Variants in HK1 observed in about 807,000 individuals in gnomAD.
The protein encoded by HK1 is hexokinase-1.
In HK1, 28 loss-of-function variants were observed where a neutral mutation model predicts 91.6. That is an observed-to-expected ratio of 0.31 (90% CI 0.23 to 0.42). The LOEUF is 0.42. Ranked by LOEUF, HK1 falls within the 10% of genes least tolerant of loss-of-function variation. The probability of loss-of-function intolerance (pLI) is 1.00; values close to 1 mark genes in which losing one functional copy is unlikely to be tolerated. For missense variants in HK1, 770 were observed against 1,219.8 expected, an observed-to-expected ratio of 0.63 and a Z score of 5.49; for synonymous variants, 430 against 468.1, an observed-to-expected ratio of 0.92 and a Z score of 1.05.
chr10:69,274,575 G>A (rs1056430433), intron 1 of HK1, among the ~76,000 whole-genome samples: 6 of 147,192 alleles, frequency 4.1e-5, no homozygotes, highest in African/African-American at 7.8e-5. Flanking sequence ...GGGTGACAGA[G>A]CAAAACTCTG....
intron 1 of HK1, among the ~76,000 whole-genome samples, chr10:69,342,743 C>T (rs1189107505): frequency 6.6e-6 from 1 of 152,158 alleles, no homozygotes; most frequent in Non-Finnish European, 1.5e-5. Context: ...AATCCAGGCA[C>T]ACAGAGCAGC....
At chr10:69,318,375 C>A, upstream of HK1, 1 of 297,960 alleles carries the variant, frequency 3.4e-6, no homozygotes, top group Non-Finnish European at 5.0e-6. Flanking sequence ...GTCCACCGGA[C>A]TCCTAGGGGC....
At chr10:69,359,772 T>A in intron 2 of HK1, 125 bp from the exon 3 acceptor site, 1 of 908,740 alleles carries the variant, frequency 1.1e-6, no homozygotes, top group Non-Finnish European at 1.8e-6. Flanking sequence ...TGCTGCTTTC[T>A]GGCTGATAAC....
At chr10:69,336,464 T>C (rs1847993065) in intron 1 of HK1, among the ~76,000 whole-genome samples, 1 of 151,906 alleles carries the variant, frequency 6.6e-6, no homozygotes, top group South Asian at 2.1e-4. Context: ...GTGCTGGGAT[T>C]ATAGGCACGA....
rs368378261 is a variant in HK1, at chr10:69,380,132, C to A, written c.1265+37C>A. The A allele has an allele frequency of 1.2e-5, 18 of 1,532,832 alleles. No individual in the cohort carries two copies. The highest frequency in any genetic ancestry group is 5.5e-5 in the African/African-American group (4 of 73,334). The allele number at this position is 1,532,832 out of a possible 1,614,324, so 95.0% of individuals were successfully genotyped here. A position where few individuals can be genotyped will look rare whatever the true frequency, so the allele number is the denominator to read the frequency against. On this transcript the variant is annotated intron_variant, in intron 9 of 17. Coordinates refer to ENST00000359426, the MANE Select transcript of HK1 (RefSeq NM_000188.3). The surrounding 1 kb of genome is among the most constrained non-coding windows in gnomAD (Gnocchi z 4.0). ...CTTTGCTATCATTGGCACTCTGTAC[C>A]CATTGTGGGTAGGGACCTTCTCCAG... is the stretch of plus-strand genomic sequence containing the variant.
chr10:69,311,596 G>A (rs183088908), upstream of HK1, among the ~76,000 whole-genome samples: 17 of 152,242 alleles, frequency 1.1e-4, no homozygotes, highest in African/African-American at 4.1e-4. Flanking sequence ...GCCTGGGAAG[G>A]CCTCAACAAT....
At chr10:69,288,685 G>A in exon 3 of HK1, 1 of 1,560,590 alleles carries the variant, frequency 6.4e-7, no homozygotes, top group South Asian at 1.1e-5. Context: ...TCAAGACCCA[G>A]CTGTTGAGAG....
chr10:69,397,162 CG>C (rs2132965662), intron 16 of HK1, among the ~76,000 whole-genome samples: 1 of 152,174 alleles, frequency 6.6e-6, no homozygotes, highest in Admixed American at 6.5e-5. Context: ...TGTGTGTGTA[CG>C]CACCCCAAGT....
At chr10:69,312,463 T>C (rs929775594), upstream of HK1, among the ~76,000 whole-genome samples, 2 of 152,002 alleles carry the variant, frequency 1.3e-5, no homozygotes, top group African/African-American at 4.8e-5. Flanking sequence ...GGTCTGGAAC[T>C]CCTGACCTCA....
chr10:69,376,417 T>A (rs964521951), intron 7 of HK1, among the ~76,000 whole-genome samples: 3 of 152,130 alleles, frequency 2.0e-5, no homozygotes, highest in African/African-American at 4.8e-5. Context: ...GGTGGGAGGA[T>A]GGCTTGAGCC....
intron 3 of HK1, among the ~76,000 whole-genome samples, chr10:69,294,375 T>C (rs1420273754): frequency 6.6e-6 from 1 of 152,166 alleles, no homozygotes; most frequent in Non-Finnish European, 1.5e-5. Flanking sequence ...CATATGAGCT[T>C]TTCTCTTGAT....
At chr10:69,367,364 T>C (rs774070878) in intron 4 of HK1, among the ~76,000 whole-genome samples, 3 of 152,158 alleles carry the variant, frequency 2.0e-5, no homozygotes, top group Non-Finnish European at 4.4e-5. Flanking sequence ...TCCCTGTTTC[T>C]AGAGGAGCAC....
intron 15 of HK1, among the ~76,000 whole-genome samples, chr10:69,394,431 A>T (rs1840045825): frequency 1.3e-5 from 2 of 152,106 alleles, no homozygotes. Flanking sequence ...TATTCTGCAG[A>T]TAGTTTTTGG....
chr10:69,372,172 G>T (rs1850042341), intron 7 of HK1, among the ~76,000 whole-genome samples: 1 of 152,188 alleles, frequency 6.6e-6, no homozygotes, highest in South Asian at 2.1e-4. Flanking sequence ...AATTGCGTGG[G>T]AAAGACTTGC....
rs909639337 is a variant in HK1 at position 69,359,745 on chromosome 10, G to C, written c.227-152G>C. On this transcript the variant is annotated intron_variant, in intron 2 of 17. Transcript: ENST00000359426. ...TACTCTGCGTATATGGCAGTGGTTG[G>C]ATGAAGTTTGCATGATTGCTGCTTT... is the stretch of plus-strand genomic sequence containing the variant. 3.7e-5 allele frequency: 28 copies of C among 766,074 alleles called. No homozygotes were observed. In the African/African-American group the frequency reaches 4.3e-4, roughly 12 times the overall value. The allele number at this position is 766,074 out of a possible 1,614,324, so 47.5% of individuals were successfully genotyped here.
chr10:69,320,518 T>C (rs1846952699), intron 1 of HK1, among the ~76,000 whole-genome samples: 2 of 152,144 alleles, frequency 1.3e-5, no homozygotes, highest in Non-Finnish European at 2.9e-5. Context: ...TGTGTGCATT[T>C]CATGAGTTTT....
At chr10:69,378,022 A>G (rs1482727483) in intron 8 of HK1, among the ~76,000 whole-genome samples, 1 of 152,192 alleles carries the variant, frequency 6.6e-6, no homozygotes, top group African/African-American at 2.4e-5. Flanking sequence ...CAGCTGCTGG[A>G]AGAGGAAAGG....
intron 2 of HK1, among the ~76,000 whole-genome samples, chr10:69,285,255 T>C (rs1365111062): frequency 3.9e-5 from 6 of 151,970 alleles, no homozygotes; most frequent in Non-Finnish European, 7.4e-5. Flanking sequence ...TAACATGGTC[T>C]CTACTGAAAA....
At chr10:69,344,167 C>T (rs75295027) in intron 2 of HK1, among the ~76,000 whole-genome samples, 178 bp downstream of exon 2, 5,863 of 152,310 alleles carry the variant, frequency 0.038, 198 homozygotes, top group African/African-American at 0.086. Flanking sequence ...ATCCATCCAT[C>T]CATCCGCTGA....
Sources: gnomAD v4.1 joint callset for allele counts (sites outside exome capture counted in the v4.1 genomes callset) on GRCh38, gnomAD v4.1.1 for gene constraint, Gnocchi (gnomAD v3.1) non-coding constraint, MANE v1.5 for transcripts, NCBI Gene and HGNC (gene_info 2026-07-23, HGNC 2026-07-21) for gene names.